Variants in FAM135A observed in about 807,000 individuals in gnomAD.
FAM135A encodes the protein protein FAM135A.
FAM135A carries 79 observed loss-of-function variants against 146.8 expected under a neutral mutation model. That is an observed-to-expected ratio of 0.54 (90% CI 0.45 to 0.65). The LOEUF is 0.65. FAM135A is among the 30% of genes least tolerant of loss of function. FAM135A has a pLI of 0.00. For missense variants in FAM135A, 1,623 were observed against 1,758.2 expected (o/e 0.92, Z 1.38); for synonymous variants, 562 against 603.6 (o/e 0.93, Z 1.01).
In FAM135A at chr6:70,524,898, A is replaced by G; in HGVS notation, c.1814A>G (p.Asn605Ser). The G allele has an allele frequency of 1.1e-5, 18 of 1,612,950 alleles. No individual in the cohort carries two copies. Among genetic ancestry groups the G allele is most frequent in the Non-Finnish European group, 1.5e-5 (18 of 1,179,544 alleles). ...CAGTTTGATCCTTTGAACTCTGGCA[A>G]CCTAAATCTTTGTGCAAATTTGTCC... ...PDQFDPLNSGNLNLCANLSIS... is the reference protein window; with the variant it reads ...PDQFDPLNSGSLNLCANLSIS... The change falls in exon 15 of 22, where the codon AAC (asparagine) becomes AGC (serine). Residue 605 changes from asparagine (N) to serine (S), a missense_variant. By Grantham distance (46) the Asn-to-Ser change is conservative. Coordinates refer to ENST00000418814, the MANE Select transcript of FAM135A (RefSeq NM_001162529.3).
At chr6:70,446,343 ACTTCTT>A (rs1775748096) in intron 4 of FAM135A, among the ~76,000 whole-genome samples, 1 of 152,136 alleles carries the variant, frequency 6.6e-6, no homozygotes, top group African/African-American at 2.4e-5. Flanking sequence ...CTCTTGCTGT[ACTTCTT>A]ATCATTTCTA....
At chr6:70,531,888 C>CTTTT (rs869128532) in intron 16 of FAM135A, among the ~76,000 whole-genome samples, 124 of 85,720 alleles carry the variant, frequency 1.4e-3, no homozygotes, top group Middle Eastern at 8.6e-3. Flanking sequence ...AAACTGATTT[C>CTTTT]TTTTTTTTTT....
chr6:70,417,421 C>T (rs1767807416), intron 2 of FAM135A, among the ~76,000 whole-genome samples: 1 of 152,066 alleles, frequency 6.6e-6, no homozygotes, highest in East Asian at 1.9e-4. Flanking sequence ...ACCATATTGG[C>T]CAGCAGGTCT....
rs1766722790 is a variant in FAM135A, at chr6:70,413,513, C to G, written c.-409C>G. 6.5e-6 allele frequency: 1 copy of G among 152,886 alleles called. No individual in the cohort carries two copies. Among genetic ancestry groups the G allele is most frequent in the Non-Finnish European group, 1.5e-5 (1 of 68,440 alleles). 9.5% of individuals were successfully genotyped at this position (152,886 alleles called of 1,614,324 possible). ...TGGGGCGACTGCGCATGCTCGCTGG[C>G]CGCGCTGGGCCAGTAGCCGAGCCGC... On this transcript the variant is annotated 5_prime_UTR_variant, in exon 1 of 22. Coordinates refer to ENST00000418814, the MANE Select transcript of FAM135A (RefSeq NM_001162529.3).
chr6:70,533,601 G>A (rs993708823), intron 17 of FAM135A, among the ~76,000 whole-genome samples, 156 bp from the exon 18 acceptor site: 7 of 151,882 alleles, frequency 4.6e-5, no homozygotes, highest in East Asian at 1.9e-4. Context: ...CTCTTTGCTC[G>A]TTTTAAGATA....
chr6:70,534,658 C>G (rs914924270), intron 18 of FAM135A, among the ~76,000 whole-genome samples: 7 of 152,188 alleles, frequency 4.6e-5, no homozygotes, highest in Middle Eastern at 3.4e-3. Context: ...TTTCCACAAG[C>G]AAGACATGAT....
chr6:70,487,893 C>T (rs1035294371), intron 10 of FAM135A, among the ~76,000 whole-genome samples: 1 of 152,044 alleles, frequency 6.6e-6, no homozygotes, highest in Non-Finnish European at 1.5e-5. Context: ...TAGAAAAATA[C>T]TTAATTTTCA....
chr6:70,508,779 G>A (rs956474978), intron 12 of FAM135A, among the ~76,000 whole-genome samples: 16 of 152,158 alleles, frequency 1.1e-4, no homozygotes, highest in African/African-American at 3.6e-4. Flanking sequence ...AGAATGCCCA[G>A]TTAAATTTGG....
At chr6:70,490,342 AAAAT>A (rs1382943104) in intron 10 of FAM135A, among the ~76,000 whole-genome samples, 1 of 152,172 alleles carries the variant, frequency 6.6e-6, no homozygotes, top group Non-Finnish European at 1.5e-5. Flanking sequence ...CTCCCTGCCA[AAAAT>A]AAATAATTTA....
intron 4 of FAM135A, among the ~76,000 whole-genome samples, chr6:70,436,398 G>T (rs1174140965): frequency 6.6e-6 from 1 of 152,096 alleles, no homozygotes; most frequent in East Asian, 1.9e-4. Context: ...TCCGCAATTT[G>T]TTTTCTTTCA....
chr6:70,432,067 A>G (rs1031510593), intron 4 of FAM135A, among the ~76,000 whole-genome samples: 26 of 152,260 alleles, frequency 1.7e-4, no homozygotes, highest in African/African-American at 5.5e-4. Flanking sequence ...ACCTCATACA[A>G]TTTTAACACG....
At chr6:70,555,707 T>C (rs1309799250) in intron 20 of FAM135A, among the ~76,000 whole-genome samples, 1 of 152,054 alleles carries the variant, frequency 6.6e-6, no homozygotes, top group East Asian at 1.9e-4. Flanking sequence ...TGTTAAATTG[T>C]GTCACGAGAT....
chr6:70,444,153 C>T (rs1775180977), intron 4 of FAM135A, among the ~76,000 whole-genome samples: 1 of 152,026 alleles, frequency 6.6e-6, no homozygotes, highest in African/African-American at 2.4e-5. Flanking sequence ...GCCTGTAATC[C>T]TAGTGCTTTG....
intron 2 of FAM135A, among the ~76,000 whole-genome samples, 192 bp downstream of exon 2, chr6:70,415,568 T>TAAAAATGATTTTTC (rs1434185533): frequency 6.6e-6 from 1 of 152,202 alleles, no homozygotes; most frequent in Non-Finnish European, 1.5e-5. Context: ...TAAGATTTTT[T>TAAAAATGATTTTTC]AAAAATGATT....
rs1484066474 is a variant in FAM135A, at chr6:70,525,411, C to T, written c.2327C>T (p.Pro776Leu). 3.7e-6 allele frequency: 6 copies of T among 1,613,594 alleles called. No individual in the cohort carries two copies. Among genetic ancestry groups the T allele is most frequent in the East Asian group, 2.2e-5 (1 of 44,850 alleles). ...TCAGATTCAGGTGTTGAAAGTGAAC[C>T]GAGTTCTTTTGCGACACATCCAAAC... ...RFSDSGVESEPSSFATHPNTD... is the reference protein window; with the variant it reads ...RFSDSGVESELSSFATHPNTD... Residue 776 changes from proline (P) to leucine (L), a missense_variant, in exon 15 of 22, where the codon CCG becomes CTG. By Grantham distance (98) the Pro-to-Leu change is moderately conservative (BLOSUM62 -3). Around this residue, in one of 7 missense-constraint regions of FAM135A, gnomAD observed 1,061 missense variants for 1,113.8 expected, o/e 0.95. Coordinates refer to ENST00000418814, the MANE Select transcript of FAM135A (RefSeq NM_001162529.3).
At chr6:70,510,655 A>G (rs1305099342) in intron 12 of FAM135A, among the ~76,000 whole-genome samples, 1 of 152,092 alleles carries the variant, frequency 6.6e-6, no homozygotes, top group Non-Finnish European at 1.5e-5. Flanking sequence ...ACATTATTTT[A>G]TCTGTTTGTC....
intron 11 of FAM135A, among the ~76,000 whole-genome samples, chr6:70,493,529 C>G (rs1282589571): frequency 6.6e-6 from 1 of 152,116 alleles, no homozygotes; most frequent in African/African-American, 2.4e-5. Flanking sequence ...TATAATGCGT[C>G]TTGAGACATG....
intron 10 of FAM135A, among the ~76,000 whole-genome samples, chr6:70,488,834 C>T (rs762311374): frequency 1.4e-4 from 21 of 151,994 alleles, no homozygotes; most frequent in East Asian, 5.8e-4. Flanking sequence ...AGTGCACCTG[C>T]GTAGATCAAA....
At chr6:70,542,796 C>T (rs1451650613) in intron 20 of FAM135A, among the ~76,000 whole-genome samples, 3 of 152,058 alleles carry the variant, frequency 2.0e-5, no homozygotes, top group Non-Finnish European at 4.4e-5. Context: ...TCTTTGGCCG[C>T]CTCTCCTGTT....
Sources: allele counts gnomAD v4.1 joint callset (sites outside exome capture counted in the v4.1 genomes callset), GRCh38; gene constraint gnomAD v4.1.1; regional missense constraint gnomAD v4.1.1; transcripts MANE v1.5; gene names NCBI Gene and HGNC (gene_info 2026-07-23, HGNC 2026-07-21).